The following DMD variants were observed in gnomAD, a reference collection of about 807,000 sequenced individuals.
The protein encoded by DMD is dystrophin, also known as mutant dystrophin.
A neutral mutation model predicts 330.1 loss-of-function variants in DMD; 63 were observed. That is an observed-to-expected ratio of 0.19 (90% confidence interval 0.16 to 0.24). The LOEUF (loss-of-function observed/expected upper bound fraction) is 0.24, where lower values mean the gene tolerates loss of function less well. DMD is among the 10% of genes least tolerant of loss of function. The pLI is 1.00. For missense variants in DMD, 3,344 were observed against 2,684.1 expected (o/e 1.25, Z -5.43); for synonymous variants, 1,223 against 959.8 (o/e 1.27, Z -5.07).
At chrX:31,201,554 G>C (rs2043472760) in intron 67 of DMD, among the ~76,000 whole-genome samples, 1 of 112,046 alleles carries the variant, frequency 8.9e-6, no homozygotes, top group South Asian at 3.7e-4. Flanking sequence ...GGGAGTAGGA[G>C]GTTATCCAGC....
intron 33 of DMD, among the ~76,000 whole-genome samples, chrX:32,383,822 C>A (rs1055787146): frequency 9.1e-6 from 1 of 109,623 alleles, no homozygotes; most frequent in East Asian, 2.9e-4. Flanking sequence ...CACTATTATT[C>A]GTCTAATGTC....
intron 44 of DMD, among the ~76,000 whole-genome samples, chrX:32,063,267 T>C (rs1438803778): frequency 9.1e-6 from 1 of 110,099 alleles, no homozygotes; most frequent in African/African-American, 3.3e-5. Flanking sequence ...TCACTATAAA[T>C]CTTTTGATTA....
intron 2 of DMD, among the ~76,000 whole-genome samples, chrX:33,018,301 G>C (rs1389079523): frequency 9.0e-6 from 1 of 111,704 alleles, no homozygotes; most frequent in Non-Finnish European, 1.9e-5. Flanking sequence ...AATGAAAAGT[G>C]TGAGTTGAGT....
chrX:31,887,580 A>G lies in DMD; in HGVS notation c.6913-12207T>C, dbSNP rs149293895. Among the ~76,000 whole-genome samples, 774 of 111,740 alleles carry G rather than the reference A, an allele frequency of 6.9e-3. 8 individuals are homozygous for G. The highest frequency in any genetic ancestry group is 0.024 in the African/African-American group (751 of 30,822). ...ATCGACACATATAAAACTCTTCCCAATCCTTCATGTTTTGGGTAATAAAAG... is the reference window on the plus strand; with the variant it reads ...ATCGACACATATAAAACTCTTCCCAGTCCTTCATGTTTTGGGTAATAAAAG... On this transcript the variant is annotated intron_variant, in intron 47 of 78. Coordinates refer to ENST00000357033, the MANE Select transcript of DMD (RefSeq NM_004006.3).
chrX:31,432,063 T>G (rs939836132), intron 60 of DMD, among the ~76,000 whole-genome samples: 17 of 111,779 alleles, frequency 1.5e-4, no homozygotes, highest in African/African-American at 4.6e-4. Flanking sequence ...TCTGCTCACC[T>G]CGGCCTCCCA....
At chrX:32,255,852 T>C (rs1304892970) in intron 43 of DMD, among the ~76,000 whole-genome samples, 1 of 111,907 alleles carries the variant, frequency 8.9e-6, no homozygotes, top group Non-Finnish European at 1.9e-5. Flanking sequence ...CAATGCGATG[T>C]TTCATGCTTT....
In DMD at chrX:32,472,270, A is replaced by T; in HGVS notation, c.2843T>A (p.Met948Lys). 8.3e-7 allele frequency: 1 copy of T among 1,211,196 alleles called. No homozygotes were observed. The highest frequency in any genetic ancestry group is 1.1e-6 in the Non-Finnish European group (1 of 895,200). Residue 948 changes from methionine to lysine, a missense_variant, in exon 22 of 79, where the codon ATG (methionine) becomes AAG (lysine). By Grantham distance (95) the Met-to-Lys change is moderately conservative. Transcript: ENST00000357033. ...TLPPMRYQETMSAIRTWVQQS... is the reference protein window; with the variant it reads ...TLPPMRYQETKSAIRTWVQQS... The stretch of plus-strand genomic sequence containing the variant: ...CTGGACCCATGTCCTGATGGCACTC[A>T]TGGTCTCCTGATAGCGCATTGGTGG...
In DMD at chrX:32,539,172, C is replaced by CTTTTTT. The variant is rs71980872; in HGVS notation, c.2168+5981_2168+5986dup. 5.1e-3 allele frequency among the ~76,000 whole-genome samples: 486 copies of CTTTTTT among 95,415 alleles called. 13 individuals carry two copies. Among genetic ancestry groups the CTTTTTT allele is most frequent in the Admixed American group, 0.045 (389 of 8,578 alleles). The allele number at this position is 95,415 out of a possible 115,157, so 82.9% of individuals were successfully genotyped here. On this transcript the variant is annotated intron_variant, in intron 17 of 78. Transcript: ENST00000357033. ...AAGATGGTATGCAAGATTTCTATTT[C>CTTTTTT]TTTTTTTTTTTTTTTTAACAAAAAA...
chrX:31,541,275 T>C (rs1190518865), intron 55 of DMD, among the ~76,000 whole-genome samples: 1 of 112,062 alleles, frequency 8.9e-6, no homozygotes, highest in Non-Finnish European at 1.9e-5. Flanking sequence ...TGGAACAACT[T>C]AGGAATGTGA....
intron 16 of DMD, among the ~76,000 whole-genome samples, chrX:32,564,745 G>T (rs968760892): frequency 9.0e-6 from 1 of 111,412 alleles, no homozygotes; most frequent in African/African-American, 3.3e-5. Flanking sequence ...TGTATTCCTG[G>T]AGGCAATACT....
rs1422505734 is a variant in DMD at position 31,972,326 on chromosome X, C to T, written c.6439-3812G>A. Among the ~76,000 whole-genome samples the T allele has an allele frequency of 3.6e-5, 4 of 111,553 alleles. No individual in the cohort carries two copies. In the East Asian group the frequency reaches 1.1e-3, roughly 32 times the overall value. On this transcript the variant is annotated intron_variant, in intron 44 of 78. Coordinates refer to ENST00000357033, the MANE Select transcript of DMD (RefSeq NM_004006.3). ...GGAAACATAGGCAAAGAAAGAACTGCTACATTTTTATTTTTATACAGGGAA... is the reference window on the plus strand; with the variant it reads ...GGAAACATAGGCAAAGAAAGAACTGTTACATTTTTATTTTTATACAGGGAA...
At chrX:32,928,830 G>A (rs1052880180) in intron 2 of DMD, among the ~76,000 whole-genome samples, 1 of 111,811 alleles carries the variant, frequency 8.9e-6, no homozygotes, top group Non-Finnish European at 1.9e-5. Flanking sequence ...CAAACTTTAG[G>A]TTGCAGTACT....
At chrX:31,723,055 AATT>A (rs1484652129) in intron 52 of DMD, among the ~76,000 whole-genome samples, 2 of 107,880 alleles carry the variant, frequency 1.9e-5, no homozygotes, top group African/African-American at 3.4e-5. Context: ...TCAAAAAAAA[AATT>A]ATTATTCAGT....
intron 34 of DMD, among the ~76,000 whole-genome samples, chrX:32,370,722 A>G (rs756141790): frequency 9.9e-5 from 11 of 111,103 alleles, no homozygotes; most frequent in Non-Finnish European, 2.1e-4. Flanking sequence ...CAGGGGAATG[A>G]GAGTATAACA....
intron 44 of DMD, among the ~76,000 whole-genome samples, chrX:31,978,467 A>G (rs908033586): frequency 1.8e-5 from 2 of 111,547 alleles, no homozygotes; most frequent in African/African-American, 6.5e-5. Context: ...ACTGCATAAC[A>G]TTCTACACAA....
intron 11 of DMD, among the ~76,000 whole-genome samples, chrX:32,622,335 C>G (rs2058053087): frequency 9.0e-6 from 1 of 111,597 alleles, no homozygotes; most frequent in Admixed American, 9.6e-5. Flanking sequence ...AAGCATTCAT[C>G]CCATTGTTGG....
At chrX:31,440,291 C>T (rs759494870) in intron 60 of DMD, among the ~76,000 whole-genome samples, 4 of 109,571 alleles carry the variant, frequency 3.7e-5, no homozygotes, top group African/African-American at 1.3e-4. Context: ...GATCTACAAG[C>T]GTGCGCCACC....
At chrX:32,760,860 C>A (rs1356624169) in intron 7 of DMD, among the ~76,000 whole-genome samples, 1 of 111,350 alleles carries the variant, frequency 9.0e-6, no homozygotes, top group Non-Finnish European at 1.9e-5. Context: ...CTTTTTGTAC[C>A]TCACATAATG....
At chrX:31,827,225 A>C (rs1281787659) in intron 49 of DMD, among the ~76,000 whole-genome samples, 1 of 112,076 alleles carries the variant, frequency 8.9e-6, no homozygotes, top group African/African-American at 3.2e-5. Flanking sequence ...GGACGGAAAA[A>C]GATACTCCAT....
Sources: allele counts gnomAD v4.1 joint callset (sites outside exome capture counted in the v4.1 genomes callset), GRCh38; gene constraint gnomAD v4.1.1; transcripts MANE v1.5; gene names NCBI Gene and HGNC (gene_info 2026-07-23, HGNC 2026-07-21).